Variants in MAGI2 observed in about 807,000 individuals in gnomAD.
The protein encoded by MAGI2 is membrane-associated guanylate kinase, WW and PDZ domain-containing protein 2.
A neutral mutation model predicts 133.3 loss-of-function variants in MAGI2; 35 were observed. That is an observed-to-expected ratio of 0.26 (90% confidence interval 0.20 to 0.35). The LOEUF (loss-of-function observed/expected upper bound fraction) is 0.35, where lower values mean the gene tolerates loss of function less well. Ranked by LOEUF, MAGI2 falls within the 10% of genes least tolerant of loss-of-function variation. The probability of loss-of-function intolerance (pLI) is 1.00; values close to 1 mark genes in which losing one functional copy is unlikely to be tolerated. For missense variants in MAGI2, 1,636 were observed against 1,863.4 expected (o/e 0.88, Z 2.25); for synonymous variants, 729 against 710.6 (o/e 1.03, Z -0.41).
intron 9 of MAGI2, among the ~76,000 whole-genome samples, chr7:78,317,944 A>C (rs1787596759): frequency 6.6e-6 from 1 of 152,238 alleles, no homozygotes; most frequent in African/African-American, 2.4e-5. Flanking sequence ...AAGGACGTCC[A>C]GACACAGAAA....
chr7:79,359,747 T>C (rs1842265212), intron 1 of MAGI2, among the ~76,000 whole-genome samples: 1 of 151,500 alleles, frequency 6.6e-6, no homozygotes, highest in Admixed American at 6.6e-5. Context: ...ACAAATTTTA[T>C]ATCCAATTAA....
chr7:78,659,818 T>C (rs890313229), intron 2 of MAGI2, among the ~76,000 whole-genome samples: 1 of 152,178 alleles, frequency 6.6e-6, no homozygotes, highest in Admixed American at 6.5e-5. Context: ...GATCCCTCTG[T>C]ATGATGTCAT....
chr7:78,527,006 C>CAAAAAAAAAAAAAA (rs55707442), intron 3 of MAGI2, among the ~76,000 whole-genome samples: 497 of 45,256 alleles, frequency 0.011, 7 homozygotes, highest in East Asian at 0.017. Context: ...GACTCCATCT[C>CAAAAAAAAAAAAAA]AAAAAAAAAA....
intron 3 of MAGI2, among the ~76,000 whole-genome samples, chr7:78,597,361 T>C (rs1804719185): frequency 8.9e-6 from 1 of 112,510 alleles, no homozygotes; most frequent in Admixed American, 8.9e-5. Flanking sequence ...AACAGTAAAA[T>C]AAATGAATTC....
intron 1 of MAGI2, among the ~76,000 whole-genome samples, chr7:79,136,084 A>AGAAAGAAAGAAAGAAAGAAAGAAG (rs1821505701): frequency 2.8e-5 from 4 of 141,074 alleles, no homozygotes; most frequent in African/African-American, 1.1e-4. Context: ...AAAGAAAGAA[A>AGAAAGAAAGAAAGAAAGAAAGAAG]GAAAGAAAGA....
At chr7:78,374,209 C>A (rs1221601008) in intron 6 of MAGI2, among the ~76,000 whole-genome samples, 2 of 152,156 alleles carry the variant, frequency 1.3e-5, no homozygotes, top group Admixed American at 6.5e-5. Context: ...CCTTTCTCTG[C>A]AGCTTCACCA....
At chr7:78,328,984 T>A (rs1489547746) in intron 9 of MAGI2, among the ~76,000 whole-genome samples, 5 of 152,232 alleles carry the variant, frequency 3.3e-5, no homozygotes, top group Non-Finnish European at 7.3e-5. Flanking sequence ...ACTTCTTTTG[T>A]CAATATTTCA....
chr7:79,266,025 C>A (rs1049922006), intron 1 of MAGI2, among the ~76,000 whole-genome samples: 17 of 152,006 alleles, frequency 1.1e-4, no homozygotes, highest in Non-Finnish European at 1.9e-4. Context: ...ATTTTTTCTG[C>A]AAATTTATTT....
At chr7:78,108,787 T>C (rs1244746473) in intron 20 of MAGI2, among the ~76,000 whole-genome samples, 1 of 151,946 alleles carries the variant, frequency 6.6e-6, no homozygotes, top group African/African-American at 2.4e-5. Flanking sequence ...TTTGTGTGTA[T>C]ATACACAATA....
intron 1 of MAGI2, among the ~76,000 whole-genome samples, chr7:79,135,827 A>T (rs2129545670): frequency 6.6e-6 from 1 of 150,976 alleles, no homozygotes; most frequent in East Asian, 2.0e-4. Flanking sequence ...TGTAGTCCCA[A>T]CTCCTTGGGA....
chr7:78,867,696 T>G (rs936141857), intron 2 of MAGI2, among the ~76,000 whole-genome samples: 123 of 149,732 alleles, frequency 8.2e-4, no homozygotes, highest in African/African-American at 2.5e-3. Flanking sequence ...ATAATAATAA[T>G]AAAGAAAGAA....
At chr7:78,650,550 C>T (rs952049587) in intron 2 of MAGI2, among the ~76,000 whole-genome samples, 2 of 152,086 alleles carry the variant, frequency 1.3e-5, no homozygotes, top group Non-Finnish European at 2.9e-5. Context: ...AATATGTGTT[C>T]AGTCAACTGC....
At chr7:78,458,610 C>T (rs909782360) in intron 6 of MAGI2, among the ~76,000 whole-genome samples, 2 of 149,842 alleles carry the variant, frequency 1.3e-5, no homozygotes, top group African/African-American at 2.4e-5. Flanking sequence ...AAAGGTAAAT[C>T]ATCTTTGCTG....
intron 2 of MAGI2, among the ~76,000 whole-genome samples, chr7:78,765,531 T>A (rs1299240988): frequency 6.6e-6 from 1 of 151,906 alleles, no homozygotes; most frequent in Non-Finnish European, 1.5e-5. Context: ...GTACTTTTAG[T>A]AGAAACGGGG....
intron 2 of MAGI2, among the ~76,000 whole-genome samples, chr7:78,785,956 A>G (rs962554588): frequency 8.5e-5 from 13 of 152,080 alleles, no homozygotes; most frequent in Admixed American, 2.0e-4. Context: ...ACAGAGGGAG[A>G]CAGAGGAATG....
intron 9 of MAGI2, among the ~76,000 whole-genome samples, chr7:78,256,854 G>T (rs1012864492): frequency 2.0e-5 from 3 of 152,098 alleles, no homozygotes; most frequent in East Asian, 1.9e-4. Flanking sequence ...GAAAGAAAAG[G>T]TTAGAGGAAT....
At chr7:78,726,617 T>G (rs756721852) in intron 2 of MAGI2, among the ~76,000 whole-genome samples, 2 of 152,176 alleles carry the variant, frequency 1.3e-5, no homozygotes, top group East Asian at 3.8e-4. Flanking sequence ...TGAAGTCACA[T>G]TTTTAAAGGA....
At chr7:79,054,999 G>A (rs1813013575) in intron 1 of MAGI2, among the ~76,000 whole-genome samples, 1 of 152,082 alleles carries the variant, frequency 6.6e-6, no homozygotes, top group East Asian at 1.9e-4. Context: ...CACCATATTG[G>A]CCAGGCTGAT....
At chr7:78,873,978 T>G (rs1266873809) in intron 2 of MAGI2, among the ~76,000 whole-genome samples, 1 of 152,076 alleles carries the variant, frequency 6.6e-6, no homozygotes, top group African/African-American at 2.4e-5. Context: ...AAGAATAAAT[T>G]GAAAATCAAT....
Sources: allele counts gnomAD v4.1 joint callset (sites outside exome capture counted in the v4.1 genomes callset), GRCh38; gene constraint gnomAD v4.1.1; transcripts MANE v1.5; gene names NCBI Gene and HGNC (gene_info 2026-07-23, HGNC 2026-07-21).